Variants in KRT82 observed in about 807,000 individuals in gnomAD.
KRT82 encodes the protein keratin, type II cuticular Hb2.
A neutral mutation model predicts 48.0 loss-of-function variants in KRT82; 44 were observed. The ratio of observed to expected loss-of-function variants is 0.92; its 90% confidence interval spans 0.72 to 1.18. KRT82 has a LOEUF of 1.18. KRT82 is among the 50% of genes most tolerant of loss of function. The pLI is 0.00. For synonymous variants in KRT82, 297 were observed against 278.3 expected (o/e 1.07, Z -0.67); for missense variants, 701 against 671.4 (o/e 1.04, Z -0.49).
intron 2 of KRT82, chr12:52,402,258 T>G (rs1208158061): frequency 1.3e-5 from 2 of 152,298 alleles, no homozygotes; most frequent in Non-Finnish European, 2.9e-5. Context: ...TTTGCTATTA[T>G]TCTTAAAATA....
Position 52,394,898 on chromosome 12 carries a change from T to C in KRT82, c.*77A>G, listed in dbSNP as rs1939688741. The C allele has an allele frequency of 7.9e-6, 10 of 1,265,796 alleles. No homozygotes were observed. The highest frequency in any genetic ancestry group is 1.1e-5 in the Non-Finnish European group (10 of 871,760). 78.4% of individuals were successfully genotyped at this position (1,265,796 alleles called of 1,614,324 possible). On this transcript the variant is annotated 3_prime_UTR_variant, in exon 9 of 9. Transcript: ENST00000257974. Reference sequence around the variant, plus strand: ...GGGAGGTGGGGTTTTGGAACATCCTTGTCTTCAGCCCTGGTGGGAGTGTGA... The same window carrying C: ...GGGAGGTGGGGTTTTGGAACATCCTCGTCTTCAGCCCTGGTGGGAGTGTGA...
rs1193098285 is a variant in KRT82 at position 52,394,928 on chromosome 12, C to G, written c.*47G>C. Reference sequence around the variant, plus strand: ...TCAGCCCTGGTGGGAGTGTGACATCCAGGGCCATGGGGCAGGGGCTCTGTC... The same window carrying G: ...TCAGCCCTGGTGGGAGTGTGACATCGAGGGCCATGGGGCAGGGGCTCTGTC... On this transcript the variant is annotated 3_prime_UTR_variant, in exon 9 of 9. Coordinates refer to ENST00000257974, the MANE Select transcript of KRT82 (RefSeq NM_033033.4). The G allele has an allele frequency of 1.3e-6, 2 of 1,533,402 alleles. No homozygotes were observed. Among genetic ancestry groups the G allele is most frequent in the Non-Finnish European group, 1.8e-6 (2 of 1,108,020 alleles). 95.0% of individuals were successfully genotyped at this position (1,533,402 alleles called of 1,614,324 possible).
Position 52,403,723 on chromosome 12 carries a change from CA to C in KRT82, c.597del (p.Ala200HisfsTer26). The part of the protein sequence containing the change: ...RLESELCSLQ[A>X]ALEGYKKKYE... The stretch of plus-strand genomic sequence containing the variant: ...CACTTTTTCTTGTAGCCCTCCAGTG[CA>C]GCCTGGAGGCTGCAGAGCTCTGACT... On this transcript the variant is annotated frameshift_variant, in exon 2 of 9. Transcript: ENST00000257974. LOFTEE classifies it high-confidence loss of function. 1.2e-6 allele frequency: 2 copies of C among 1,610,916 alleles called. No individual in the cohort carries two copies. Among genetic ancestry groups the C allele is most frequent in the Non-Finnish European group, 1.7e-6 (2 of 1,177,930 alleles).
Position 52,400,154 on chromosome 12 carries a change from G to A in KRT82, c.778-5C>T. 6.2e-7 allele frequency: 1 copy of A among 1,611,428 alleles called. No homozygotes were observed. Among genetic ancestry groups the A allele is most frequent in the Non-Finnish European group, 8.5e-7 (1 of 1,178,000 alleles). ...AGACTGGAGCAGGCAGATCTCCTGG[G>A]GGCAGGGCCCATGTGAGAAGGAGTG... On this transcript the variant is annotated splice_region_variant and splice_polypyrimidine_tract_variant and intron_variant, in intron 4 of 8. Coordinates refer to ENST00000257974, the MANE Select transcript of KRT82 (RefSeq NM_033033.4).
chr12:52,395,909 GT>G (rs11304728), intron 7 of KRT82, 102 bp downstream of exon 7: 851,833 of 1,531,050 alleles, frequency 0.56, 238,457 homozygotes, highest in East Asian at 0.61. Context: ...TTCAATGAAT[GT>G]GGGTAGGGGA....
chr12:52,401,398 G>A, intron 2 of KRT82, 49 bp from the exon 3 acceptor site: 1 of 1,590,538 alleles, frequency 6.3e-7, no homozygotes, highest in Non-Finnish European at 8.6e-7. Context: ...TGTGGATTTT[G>A]GAAGAGATCT....
In KRT82 at chr12:52,395,750, T is replaced by C; in HGVS notation, c.1321+9A>G. The C allele has an allele frequency of 6.4e-7, 1 of 1,559,096 alleles. No individual in the cohort carries two copies. Among genetic ancestry groups the C allele is most frequent in the Non-Finnish European group, 8.6e-7 (1 of 1,157,680 alleles). On this transcript the variant is annotated intron_variant, in intron 8 of 8. Coordinates refer to ENST00000257974, the MANE Select transcript of KRT82 (RefSeq NM_033033.4). Reference sequence around the variant, plus strand: ...TCCAGAGCCAGTGGGGCATGGCTCATCTACTTACAGATATTCACGGGCCCG... The same window carrying C: ...TCCAGAGCCAGTGGGGCATGGCTCACCTACTTACAGATATTCACGGGCCCG...
chr12:52,395,313 C>A (rs1939698200), intron 8 of KRT82, 118 bp from the exon 9 acceptor site: 1 of 785,292 alleles, frequency 1.3e-6, no homozygotes, highest in Non-Finnish European at 2.0e-6. Flanking sequence ...CTACAGACAC[C>A]CCATTCCAGC....
At position 52,396,122 on chromosome 12, in the gene KRT82, C is replaced by G. The variant is rs552594038; in HGVS notation, c.1179G>C (p.Lys393Asn). The stretch of plus-strand genomic sequence containing the variant: ...CCTTGAGCAGGCAGGCCATGTCCTG[C>G]TTGGCCTTCTGCAGAGCCTCCTCCA... Reference protein sequence around the residue: ...AGLEEALQKAKQDMACLLKEY... With the variant: ...AGLEEALQKANQDMACLLKEY... The change falls in exon 7 of 9, where the codon AAG becomes AAC. Residue 393 changes from lysine (K) to asparagine (N), a missense_variant. Lys to Asn is a moderately conservative substitution (Grantham distance 94). Coordinates refer to ENST00000257974, the MANE Select transcript of KRT82 (RefSeq NM_033033.4). The G allele has an allele frequency of 4.3e-6, 7 of 1,614,224 alleles. No homozygotes were observed. In the South Asian group the frequency reaches 7.7e-5, roughly 18 times the overall value.
chr12:52,395,954 G>A lies in KRT82; in HGVS notation c.1289+58C>T, dbSNP rs1939707107. ...GAGATACTAGCAGCCGCCACCAGAG[G>A]GCTGGGTAATGGCCATACCTGGTAG... is the stretch of plus-strand genomic sequence containing the variant. On this transcript the variant is annotated intron_variant, in intron 7 of 8. Coordinates refer to ENST00000257974, the MANE Select transcript of KRT82 (RefSeq NM_033033.4). The A allele has an allele frequency of 4.4e-6, 7 of 1,605,090 alleles. No individual in the cohort carries two copies. In the South Asian group the frequency reaches 6.6e-5, roughly 15 times the overall value.
intron 6 of KRT82, 73 bp downstream of exon 6, chr12:52,396,810 C>T (rs756565850): frequency 2.6e-4 from 414 of 1,570,600 alleles, no homozygotes; most frequent in Non-Finnish European, 3.4e-4. Flanking sequence ...GGATTGAACC[C>T]GCCCTGCACG....
chr12:52,403,975 A>G (rs1162219081), intron 1 of KRT82, 66 bp from the exon 2 acceptor site: 3 of 1,472,592 alleles, frequency 2.0e-6, no homozygotes, highest in Non-Finnish European at 2.8e-6. Flanking sequence ...AGAGAGGGCA[A>G]TGGAATGAGT....
At chr12:52,404,639 A>G (rs548020174) in intron 1 of KRT82, among the ~76,000 whole-genome samples, 19 of 152,308 alleles carry the variant, frequency 1.2e-4, no homozygotes, top group Admixed American at 3.9e-4. Context: ...CAAGAAAACT[A>G]CAGAAGTATC....
intron 4 of KRT82, 139 bp downstream of exon 4, chr12:52,400,388 A>G: frequency 1.4e-6 from 1 of 728,080 alleles, no homozygotes; most frequent in Non-Finnish European, 2.3e-6. Flanking sequence ...TGTGAGTCTC[A>G]CCGCCTGAGA....
chr12:52,394,922 G>A lies in KRT82; in HGVS notation c.*53C>T. ...TTGTCTTCAGCCCTGGTGGGAGTGT[G>A]ACATCCAGGGCCATGGGGCAGGGGC... On this transcript the variant is annotated 3_prime_UTR_variant, in exon 9 of 9. Coordinates refer to ENST00000257974, the MANE Select transcript of KRT82 (RefSeq NM_033033.4). The A allele has an allele frequency of 1.4e-6, 2 of 1,470,916 alleles. No homozygotes were observed. Among genetic ancestry groups the A allele is most frequent in the Non-Finnish European group, 1.9e-6 (2 of 1,051,628 alleles). 91.1% of individuals were successfully genotyped at this position (1,470,916 alleles called of 1,614,324 possible).
rs1415406827 is a variant in KRT82 at position 52,394,645 on chromosome 12, T to A, written c.*330A>T. 2.2e-5 allele frequency: 7 copies of A among 324,680 alleles called. No homozygotes were observed. The highest frequency in any genetic ancestry group is 4.0e-5 in the Non-Finnish European group (7 of 174,188). The allele number at this position is 324,680 out of a possible 1,614,324, so 20.1% of individuals were successfully genotyped here. ...TTGTGAGGAAACTTCCATGGGATGA[T>A]CCACAGAGCAGAACTGTGGTGTGCC... On this transcript the variant is annotated 3_prime_UTR_variant, in exon 9 of 9. Coordinates refer to ENST00000257974, the MANE Select transcript of KRT82 (RefSeq NM_033033.4).
In KRT82 at chr12:52,394,910, TG is replaced by T; in HGVS notation, c.*64del. On this transcript the variant is annotated 3_prime_UTR_variant, in exon 9 of 9. Transcript: ENST00000257974. The stretch of plus-strand genomic sequence containing the variant: ...TTTGGAACATCCTTGTCTTCAGCCC[TG>T]GTGGGAGTGTGACATCCAGGGCCAT... 7.3e-7 allele frequency: 1 copy of T among 1,366,502 alleles called. No homozygotes were observed. The highest frequency in any genetic ancestry group is 1.0e-6 in the Non-Finnish European group (1 of 957,934). 84.6% of individuals were successfully genotyped at this position (1,366,502 alleles called of 1,614,324 possible).
intron 3 of KRT82, 114 bp from the exon 4 acceptor site, chr12:52,400,736 G>T: frequency 1.4e-6 from 1 of 733,646 alleles, no homozygotes; most frequent in East Asian, 2.5e-5. Flanking sequence ...GGGCATCGAA[G>T]GGGTGATGGA....
chr12:52,403,285 G>A (rs1367034315), intron 2 of KRT82, among the ~76,000 whole-genome samples: 6 of 152,178 alleles, frequency 3.9e-5, no homozygotes, highest in African/African-American at 1.4e-4. Flanking sequence ...GCAGAGAGAT[G>A]CTGACAGGGG....
Sources: gnomAD v4.1 joint callset for allele counts (sites outside exome capture counted in the v4.1 genomes callset) on GRCh38, gnomAD v4.1.1 for gene constraint, MANE v1.5 for transcripts, NCBI Gene and HGNC (gene_info 2026-07-23, HGNC 2026-07-21) for gene names.